Variants in ACOT9 observed in about 807,000 individuals in gnomAD.
ACOT9 encodes acyl-CoA thioesterase 9.
Under a neutral mutation model 39.7 loss-of-function variants are expected in ACOT9, and 34 were observed. The observed-to-expected ratio is 0.86, with a 90% CI of 0.65 to 1.14. ACOT9 has a LOEUF of 1.14. Among genes scored for constraint, ACOT9 ranks in the 50% most tolerant of loss-of-function variants. The pLI is 0.00. For missense variants in ACOT9, 313 were observed against 344.1 expected, an observed-to-expected ratio of 0.91 and a Z score of 0.71; for synonymous variants, 110 against 120.5, an observed-to-expected ratio of 0.91 and a Z score of 0.57.
chrX:23,719,846 T>TG (rs1337164010), intron 8 of ACOT9, among the ~76,000 whole-genome samples: 1 of 110,413 alleles, frequency 9.1e-6, no homozygotes, highest in Non-Finnish European at 1.9e-5. Flanking sequence ...AAGTCATTTT[T>TG]TTTTTTTTGA....
chrX:23,743,091 G>T (rs760067095), intron 1 of ACOT9, 34 bp downstream of exon 1: 2 of 1,139,006 alleles, frequency 1.8e-6, no homozygotes, highest in Admixed American at 2.7e-5. Context: ...CCAGGCTACC[G>T]CCCTGCCAGC....
intron 11 of ACOT9, 76 bp from the exon 12 acceptor site, chrX:23,705,934 A>G: frequency 1.2e-6 from 1 of 860,638 alleles, no homozygotes; most frequent in Non-Finnish European, 1.7e-6. Flanking sequence ...TTTGCAAGTC[A>G]CTCCCAATAC....
intron 7 of ACOT9, 63 bp from the exon 8 acceptor site, chrX:23,722,047 A>G: frequency 1.3e-6 from 1 of 754,522 alleles, no homozygotes; most frequent in Non-Finnish European, 1.9e-6. Flanking sequence ...TGTAAATATG[A>G]ACAATTAGAA....
Position 23,743,216 on chromosome X carries a change from A to G in ACOT9, c.-72T>C. ...TAGTCGGCGGAGGGAAACTGAGGCG[A>G]TAAAAGACGCACGAGTACCAGACCG... On this transcript the variant is annotated 5_prime_UTR_variant, in exon 1 of 16. Transcript: ENST00000379303. 9.0e-7 allele frequency: 1 copy of G among 1,110,124 alleles called. No homozygotes were observed. The highest frequency in any genetic ancestry group is 1.2e-6 in the Non-Finnish European group (1 of 834,187). The allele number at this position is 1,110,124 out of a possible 1,213,427, so 91.5% of individuals were successfully genotyped here.
intron 8 of ACOT9, among the ~76,000 whole-genome samples, chrX:23,714,143 G>A (rs1021913425): frequency 6.3e-5 from 7 of 111,586 alleles, no homozygotes; most frequent in Admixed American, 9.6e-5. Context: ...GTCACAGAGA[G>A]TATCATCAGC....
intron 1 of ACOT9, among the ~76,000 whole-genome samples, chrX:23,737,094 C>T (rs1022388605): frequency 1.2e-4 from 13 of 111,217 alleles, no homozygotes; most frequent in African/African-American, 4.2e-4. Flanking sequence ...AGGTGGATCA[C>T]TTGAGGTCAG....
chrX:23,735,899 A>C lies in ACOT9; in HGVS notation c.118+20T>G. On this transcript the variant is annotated intron_variant, in intron 2 of 15. Coordinates refer to ENST00000379303, the MANE Select transcript of ACOT9 (RefSeq NM_001037171.2). ...AAGGTTTTTCACCACATAGGCATCA[A>C]ACAGAGACACCATGCTTGCCTTCAT... 8.3e-7 allele frequency: 1 copy of C among 1,198,145 alleles called. No individual in the cohort carries two copies. Among genetic ancestry groups the C allele is most frequent in the Non-Finnish European group, 1.1e-6 (1 of 884,133 alleles).
intron 13 of ACOT9, 51 bp from the exon 14 acceptor site, chrX:23,705,131 C>T: frequency 1.9e-6 from 2 of 1,053,532 alleles, no homozygotes; most frequent in Non-Finnish European, 2.6e-6. Context: ...TTCAGATGAT[C>T]TCAATTGTTT....
intron 2 of ACOT9, among the ~76,000 whole-genome samples, chrX:23,734,981 C>CAAA (rs56047011): frequency 1.7e-4 from 5 of 29,756 alleles, no homozygotes; most frequent in Admixed American, 1.2e-3. Flanking sequence ...GACTTCATCT[C>CAAA]AAAAAAAAAA....
intron 15 of ACOT9, among the ~76,000 whole-genome samples, chrX:23,704,337 ATTTTTT>A (rs749027257): frequency 0.38 from 33,351 of 88,365 alleles, 5,582 homozygotes; most frequent in Non-Finnish European, 0.48. Flanking sequence ...TGCCCGGCTA[ATTTTTT>A]TTTTTTTTTT....
chrX:23,722,900 C>CA (rs748662199), intron 6 of ACOT9, 147 bp from the exon 7 acceptor site: 1 of 383,483 alleles, frequency 2.6e-6, no homozygotes, highest in Admixed American at 5.0e-5. Flanking sequence ...ATCCTAGGAT[C>CA]AAACACTTTT....
chrX:23,726,526 C>T (rs12558377), intron 6 of ACOT9, among the ~76,000 whole-genome samples: 33,864 of 110,048 alleles, frequency 0.31, 3,968 homozygotes, highest in East Asian at 0.46. Flanking sequence ...GGAACACAGC[C>T]GACCGGGAAA....
intron 2 of ACOT9, 158 bp downstream of exon 2, chrX:23,735,761 T>C (rs1929931956): frequency 2.5e-6 from 1 of 402,095 alleles, no homozygotes. Flanking sequence ...CTATTAATAT[T>C]ATGCAGCTAT....
At chrX:23,742,213 TGAGAGAGA>T (rs1190609377) in intron 1 of ACOT9, among the ~76,000 whole-genome samples, 1 of 68,910 alleles carries the variant, frequency 1.5e-5, no homozygotes, top group Non-Finnish European at 2.5e-5. Flanking sequence ...AGTGAGTGAG[TGAGAGAGA>T]GAGAGAGAGA....
chrX:23,721,408 T>TA (rs1384256115), intron 8 of ACOT9, among the ~76,000 whole-genome samples: 14 of 111,114 alleles, frequency 1.3e-4, no homozygotes, highest in Non-Finnish European at 1.9e-4. Context: ...TCTATTTTTT[T>TA]AAAAAAATGG....
intron 6 of ACOT9, among the ~76,000 whole-genome samples, chrX:23,727,011 G>A (rs185755558): frequency 0.035 from 3,911 of 111,657 alleles, 77 homozygotes; most frequent in Middle Eastern, 0.073. Context: ...GTAGAGACGG[G>A]GTTTCACCAT....
chrX:23,722,469 CAGG>C (rs1214913231), intron 7 of ACOT9, among the ~76,000 whole-genome samples, 198 bp downstream of exon 7: 3 of 109,213 alleles, frequency 2.7e-5, no homozygotes, highest in Non-Finnish European at 3.8e-5. Flanking sequence ...GAGGCTGAGG[CAGG>C]AGAATTGCTT....
In ACOT9 at chrX:23,703,217, G is replaced by A. The variant is rs1928540543; in HGVS notation, c.*677C>T. On this transcript the variant is annotated 3_prime_UTR_variant, in exon 16 of 16. Coordinates refer to ENST00000379303, the MANE Select transcript of ACOT9 (RefSeq NM_001037171.2). ...GGATTTAGACAGCACAGAGCAAGTGGTTAGGTTTAAAGAACGTCATCCAAA... is the reference window on the plus strand; with the variant it reads ...GGATTTAGACAGCACAGAGCAAGTGATTAGGTTTAAAGAACGTCATCCAAA... 1 of 112,242 alleles carries A rather than the reference G, an allele frequency of 8.9e-6. No individual in the cohort carries two copies. Among genetic ancestry groups the A allele is most frequent in the South Asian group, 3.7e-4 (1 of 2,734 alleles). 9.3% of individuals were successfully genotyped at this position (112,242 alleles called of 1,213,427 possible). A position where few individuals can be genotyped will look rare whatever the true frequency, so the allele number is the denominator to read the frequency against.
At chrX:23,734,291 A>G in intron 3 of ACOT9, 50 bp downstream of exon 3, 1 of 1,127,434 alleles carries the variant, frequency 8.9e-7, no homozygotes, top group Non-Finnish European at 1.2e-6. Flanking sequence ...ATTAGTGCTT[A>G]CAAAATTTAA....
Sources: allele counts gnomAD v4.1 joint callset (sites outside exome capture counted in the v4.1 genomes callset), GRCh38; gene constraint gnomAD v4.1.1; transcripts MANE v1.5; gene names NCBI Gene and HGNC (gene_info 2026-07-23, HGNC 2026-07-21).